SIN3A: variants seen among roughly 807,000 people sequenced by gnomAD.
SIN3A encodes SIN3 transcription regulator family member A, also known as paired amphipathic helix protein Sin3a.
SIN3A carries 14 observed loss-of-function variants against 146.1 expected under a neutral mutation model. That is an observed-to-expected ratio of 0.10 (90% CI 0.06 to 0.15). SIN3A has a LOEUF of 0.15. Among genes scored for constraint, SIN3A ranks in the 10% least tolerant of loss-of-function variants. The pLI, the probability that SIN3A is intolerant of heterozygous loss-of-function variation, is 1.00. For missense variants in SIN3A, 1,028 were observed against 1,576.0 expected, an observed-to-expected ratio of 0.65 and a Z score of 5.89; for synonymous variants, 572 against 572.0, an observed-to-expected ratio of 1.00 and a Z score of 0.00.
chr15:75,427,045 A>C (rs887090055), intron 2 of SIN3A, among the ~76,000 whole-genome samples: 1 of 152,170 alleles, frequency 6.6e-6, no homozygotes, highest in Non-Finnish European at 1.5e-5. Context: ...GGTGTGACAG[A>C]AAAAAAGTCA....
At chr15:75,402,068 G>A in intron 9 of SIN3A, 98 bp from the exon 10 acceptor site, 1 of 751,354 alleles carries the variant, frequency 1.3e-6, no homozygotes. Flanking sequence ...GCGCAGTTGT[G>A]TAATCTCAGC....
rs142196101 is a variant in SIN3A, at chr15:75,445,571, A to AAAAT, written c.-34+5848_-34+5851dup. Among the ~76,000 whole-genome samples, 247 of 150,638 alleles carry AAAAT rather than the reference A, an allele frequency of 1.6e-3. 1 individual carries two copies. Among genetic ancestry groups the AAAAT allele is most frequent in the African/African-American group, 1.8e-3 (76 of 41,142 alleles). ...GGGAGACAGAGCAAAACTCCGTCTC[A>AAAAT]AAATAAATAAATAAATAAATAAATA... is the stretch of plus-strand genomic sequence containing the variant. On this transcript the variant is annotated intron_variant, in intron 1 of 20. Transcript: ENST00000394947.
At chr15:75,372,590 G>A (rs1165333697) in intron 20 of SIN3A, among the ~76,000 whole-genome samples, 1 of 152,062 alleles carries the variant, frequency 6.6e-6, no homozygotes, top group African/African-American at 2.4e-5. Context: ...GGGAGGCTGA[G>A]GCAGGCAGTT....
chr15:75,449,230 T>G (rs1567437676), intron 1 of SIN3A, among the ~76,000 whole-genome samples: 1 of 152,220 alleles, frequency 6.6e-6, no homozygotes, highest in Non-Finnish European at 1.5e-5. Context: ...CAGCCATCAT[T>G]TGCTAAACTA....
intron 1 of SIN3A, among the ~76,000 whole-genome samples, chr15:75,444,094 A>G (rs572147293): frequency 6.6e-6 from 1 of 152,366 alleles, no homozygotes; most frequent in Admixed American, 6.5e-5. Flanking sequence ...AGGAAAAATA[A>G]GATCAGTAAA....
At chr15:75,427,444 G>A (rs1370104469) in intron 2 of SIN3A, among the ~76,000 whole-genome samples, 2 of 151,894 alleles carry the variant, frequency 1.3e-5, no homozygotes, top group African/African-American at 4.8e-5. Context: ...CAGACAGGCG[G>A]ATCACCTGAG....
At chr15:75,435,454 T>G (rs4297648) in intron 1 of SIN3A, among the ~76,000 whole-genome samples, 3 of 151,944 alleles carry the variant, frequency 2.0e-5, no homozygotes, top group African/African-American at 7.3e-5. Flanking sequence ...TCCCAGCACT[T>G]TGGGAGGCCG....
chr15:75,411,862 G>T, intron 5 of SIN3A, 119 bp from the exon 6 acceptor site: 1 of 1,064,832 alleles, frequency 9.4e-7, no homozygotes, highest in Non-Finnish European at 1.3e-6. Flanking sequence ...ACTCAGGCCA[G>T]GTCATTTTAG....
intron 1 of SIN3A, among the ~76,000 whole-genome samples, chr15:75,444,041 A>G (rs2074261998): frequency 6.6e-6 from 1 of 152,238 alleles, no homozygotes. Flanking sequence ...GTAATGATGA[A>G]ATAATTCCTA....
At chr15:75,402,558 G>GA (rs2073430819) in intron 9 of SIN3A, among the ~76,000 whole-genome samples, 1 of 152,042 alleles carries the variant, frequency 6.6e-6, no homozygotes, top group African/African-American at 2.4e-5. Context: ...AATTTAAACT[G>GA]ATATTTGATG....
chr15:75,442,932 CAAAAAAAAAAAAA>C (rs34555614), intron 1 of SIN3A, among the ~76,000 whole-genome samples: 3 of 84,500 alleles, frequency 3.6e-5, no homozygotes, highest in Admixed American at 1.3e-4. Context: ...AACTCTGTCT[CAAAAAAAAAAAAA>C]AAAAAAAAAT....
At chr15:75,453,737 A>T (rs2074444908), upstream of SIN3A, 1 of 152,334 alleles carries the variant, frequency 6.6e-6, no homozygotes, top group Non-Finnish European at 1.5e-5. Context: ...GGAAATAGCC[A>T]AGCGACAGGG....
chr15:75,417,672 C>T (rs937903331), intron 3 of SIN3A, among the ~76,000 whole-genome samples: 3 of 152,230 alleles, frequency 2.0e-5, no homozygotes, highest in African/African-American at 7.2e-5. Context: ...AGCCACCACA[C>T]CTGGCCAGGC....
rs866593163 is a variant in SIN3A, at chr15:75,380,819, C to T, written c.3289-96G>A. On this transcript the variant is annotated intron_variant, in intron 18 of 20. Coordinates refer to ENST00000394947, the MANE Select transcript of SIN3A (RefSeq NM_001145358.2). ...AGTAAATTCTATGATTACAATGCCC[C>T]GAATTCATAAATTTCAAGATCAAAA... is the stretch of plus-strand genomic sequence containing the variant. 49 of 802,800 alleles carry T rather than the reference C, an allele frequency of 6.1e-5. 1 individual carries two copies. The Middle Eastern group carries it at 1.4e-3, about 23-fold the overall frequency. 49.7% of individuals were successfully genotyped at this position (802,800 alleles called of 1,614,324 possible).
At chr15:75,419,845 T>C (rs2073810442) in intron 3 of SIN3A, 1 of 151,628 alleles carries the variant, frequency 6.6e-6, no homozygotes, top group Non-Finnish European at 1.5e-5. Context: ...AAAAGTAAAA[T>C]AAAAGTTATA....
Position 75,392,677 on chromosome 15 carries a change from T to C in SIN3A, c.2416A>G (p.Lys806Glu). The C allele has an allele frequency of 6.2e-7, 1 of 1,614,228 alleles. No homozygotes were observed. Among genetic ancestry groups the C allele is most frequent in the South Asian group, 1.1e-5 (1 of 91,088 alleles). Residue 806 changes from lysine (K) to glutamate (E), a missense_variant, in exon 15 of 21, where the codon AAG becomes GAG. By Grantham distance (56) the Lys-to-Glu change is moderately conservative (BLOSUM62 1). Coordinates refer to ENST00000394947, the MANE Select transcript of SIN3A (RefSeq NM_001145358.2). ...TGTTTTATCTTATATTTGTCCTCCT[T>C]CTGAATGCCTGTCTGCCTCTTCACA... ...HHVKRQTGIQ[K>E]EDKYKIKQIM...
intron 16 of SIN3A, among the ~76,000 whole-genome samples, chr15:75,387,672 A>G (rs1479949294): frequency 6.6e-6 from 1 of 151,900 alleles, no homozygotes; most frequent in Non-Finnish European, 1.5e-5. Context: ...AACCAACCTC[A>G]GAATTATTAA....
At position 75,381,789 on chromosome 15, in the gene SIN3A, C is replaced by A. The variant is rs1473304527; in HGVS notation, c.3196-84G>T. 8.6e-6 allele frequency: 10 copies of A among 1,160,456 alleles called. No individual in the cohort carries two copies. In the Admixed American group the frequency reaches 1.6e-4, roughly 19 times the overall value. 71.9% of individuals were successfully genotyped at this position (1,160,456 alleles called of 1,614,324 possible). On this transcript the variant is annotated intron_variant, in intron 17 of 20. Coordinates refer to ENST00000394947, the MANE Select transcript of SIN3A (RefSeq NM_001145358.2). ...TCTCAAGGAATGAGAGGTGCAGAGG[C>A]AATAAACTTAGTAAACTTTGCTCCA...
At chr15:75,406,986 C>T in intron 9 of SIN3A, 69 bp downstream of exon 9, 2 of 1,154,234 alleles carry the variant, frequency 1.7e-6, no homozygotes, top group South Asian at 2.7e-5. Context: ...ACGAAACCTT[C>T]CAGGGGGATA....
Sources: allele counts gnomAD v4.1 joint callset (sites outside exome capture counted in the v4.1 genomes callset), GRCh38; gene constraint gnomAD v4.1.1; transcripts MANE v1.5; gene names NCBI Gene and HGNC (gene_info 2026-07-23, HGNC 2026-07-21).